The following TMPRSS6 variants were observed in gnomAD, a reference collection of about 807,000 sequenced individuals.
TMPRSS6 encodes the protein transmembrane protease serine 6.
Under a neutral mutation model 101.5 loss-of-function variants are expected in TMPRSS6, and 67 were observed. The observed-to-expected ratio is 0.66, with a 90% CI of 0.54 to 0.81. The LOEUF is 0.81. TMPRSS6 is among the 30% of genes least tolerant of loss of function. TMPRSS6 has a pLI of 0.00. For synonymous variants in TMPRSS6, 453 were observed against 464.9 expected (o/e 0.97, Z 0.33); for missense variants, 1,034 against 1,088.7 (o/e 0.95, Z 0.71).
chr22:37,095,712 C>T, intron 5 of TMPRSS6, 120 bp from the exon 6 acceptor site: 2 of 1,239,156 alleles, frequency 1.6e-6, no homozygotes, highest in South Asian at 1.3e-5. Context: ...GAGATTTACC[C>T]TAAATGCCCC....
At chr22:37,070,383 C>CGG in intron 15 of TMPRSS6, 101 bp downstream of exon 15, 1 of 1,483,794 alleles carries the variant, frequency 6.7e-7, no homozygotes, top group Non-Finnish European at 9.4e-7. Context: ...GGTCCACCAC[C>CGG]CTTCCCTCTA....
At position 37,075,223 on chromosome 22, in the gene TMPRSS6, C is replaced by T. The variant is rs546156504; in HGVS notation, c.1254G>A (p.Thr418=). 31 of 1,613,844 alleles carry T rather than the reference C, an allele frequency of 1.9e-5. No homozygotes were observed. In the East Asian group the frequency reaches 4.0e-4, roughly 21 times the overall value. Residue 418 remains threonine (T), a synonymous_variant, in exon 11 of 18, where the codon ACG becomes ACA. Coordinates refer to ENST00000676104, the MANE Select transcript of TMPRSS6 (RefSeq NM_001374504.1). The part of the protein sequence containing the change: ...PYAERIPVVA[T]AGITINFTSQ... The stretch of plus-strand genomic sequence containing the variant: ...AGGTGAAGTTGATGGTGATCCCGGC[C>T]GTGGCCACCACGGGGATCCTCTCGG...
At chr22:37,070,856 C>G (rs567542978) in intron 14 of TMPRSS6, 60 bp downstream of exon 14, 27 of 1,533,976 alleles carry the variant, frequency 1.8e-5, no homozygotes, top group Middle Eastern at 3.8e-4. Context: ...CTCCAGCTTC[C>G]TGCTGTGGGC....
chr22:37,073,668 G>C, intron 12 of TMPRSS6, 23 bp from the exon 13 acceptor site: 1 of 1,571,660 alleles, frequency 6.4e-7, no homozygotes, highest in Non-Finnish European at 8.8e-7. Context: ...ACAGAGAGGG[G>C]ACAGGTGGGA....
At chr22:37,086,484 C>T (rs1169595558) in intron 7 of TMPRSS6, 65 bp from the exon 8 acceptor site, 1 of 1,522,632 alleles carries the variant, frequency 6.6e-7, no homozygotes, top group Non-Finnish European at 8.9e-7. Context: ...GGGAGGGCGG[C>T]AGGCGGCTGC....
In TMPRSS6 at chr22:37,095,586, C is replaced by T; in HGVS notation, c.596G>A (p.Ser199Asn). 1 of 1,608,556 alleles carries T rather than the reference C, an allele frequency of 6.2e-7. No homozygotes were observed. Among genetic ancestry groups the T allele is most frequent in the South Asian group, 1.1e-5 (1 of 90,402 alleles). ...DPEGLVILEASVKDIAALNST... is the reference protein window; with the variant it reads ...DPEGLVILEANVKDIAALNST... ...ATTCAATGCAGCTATGTCTTTCACA[C>T]TGGCTTCTGATAAAAGGAAATGAAC... The change falls in exon 6 of 18, where the codon AGT (serine) becomes AAT (asparagine). Residue 199 changes from serine (S) to asparagine (N), a missense_variant. Transcript: ENST00000676104.
intron 6 of TMPRSS6, among the ~76,000 whole-genome samples, chr22:37,092,766 G>C (rs1275988808): frequency 2.6e-5 from 4 of 152,340 alleles, no homozygotes; most frequent in Non-Finnish European, 5.9e-5. Context: ...AAAGTGCTGG[G>C]ATTACAGGCT....
At chr22:37,081,862 G>A (rs114483660) in intron 10 of TMPRSS6, among the ~76,000 whole-genome samples, 2,189 of 152,332 alleles carry the variant, frequency 0.014, 70 homozygotes, top group African/African-American at 0.05. Flanking sequence ...CTATAGCTCA[G>A]TGGTGCTCAG....
chr22:37,069,826 C>A lies in TMPRSS6; in HGVS notation c.1842-482G>T, dbSNP rs1488662909. Reference sequence around the variant, plus strand: ...GGAATTGGACTGCGGCAGTCAGCTGCCTGGGTGGCAGATGGGCAGCCTTCG... The same window carrying A: ...GGAATTGGACTGCGGCAGTCAGCTGACTGGGTGGCAGATGGGCAGCCTTCG... On this transcript the variant is annotated intron_variant, in intron 15 of 17. Transcript: ENST00000676104. The surrounding 1 kb of genome is among the most constrained non-coding windows in gnomAD (Gnocchi z 4.8). 1.3e-5 allele frequency among the ~76,000 whole-genome samples: 2 copies of A among 152,192 alleles called. No individual in the cohort carries two copies. The highest frequency in any genetic ancestry group is 1.5e-5 in the Non-Finnish European group (1 of 68,040).
chr22:37,081,537 C>A (rs1601540278), intron 10 of TMPRSS6, among the ~76,000 whole-genome samples: 1 of 152,196 alleles, frequency 6.6e-6, no homozygotes, highest in Admixed American at 6.5e-5. Context: ...CTGGCCTGAA[C>A]CCCTCGTTTC....
At chr22:37,095,760 G>T in intron 5 of TMPRSS6, 146 bp downstream of exon 5, 2 of 1,225,906 alleles carry the variant, frequency 1.6e-6, no homozygotes, top group Non-Finnish European at 2.3e-6. Context: ...GAATGCAATG[G>T]CACTGCTACC....
In TMPRSS6 at chr22:37,096,690, C is replaced by A. The variant is rs142400865; in HGVS notation, c.362G>T (p.Arg121Leu). 1 of 1,566,666 alleles carries A rather than the reference C, an allele frequency of 6.4e-7. No individual in the cohort carries two copies. The change falls in exon 4 of 18, where the codon CGC (arginine) becomes CTC (leucine). Residue 121 changes from arginine (R) to leucine (L), a missense_variant. Physicochemically the swap from Arg to Leu is moderately radical, Grantham distance 102. Coordinates refer to ENST00000676104, the MANE Select transcript of TMPRSS6 (RefSeq NM_001374504.1). ...KMLKELITST[R>L]LGTYYNSSSV... ...GCTGGAGTTGTAGTAAGTTCCCAGG[C>A]GGGTGCTGGTGATGAGCTCCTTGAG... is the stretch of plus-strand genomic sequence containing the variant.
intron 6 of TMPRSS6, among the ~76,000 whole-genome samples, chr22:37,094,570 C>A (rs368741201): frequency 1.2e-5 from 1 of 84,148 alleles, no homozygotes; most frequent in Non-Finnish European, 2.4e-5. Context: ...GATAGATAGA[C>A]AAATAGATCA....
At chr22:37,072,279 G>A (rs921782898) in intron 13 of TMPRSS6, among the ~76,000 whole-genome samples, 3 of 140,916 alleles carry the variant, frequency 2.1e-5, no homozygotes, top group African/African-American at 5.9e-5. Flanking sequence ...ATGGTTGCAT[G>A]GATGGATGGA....
intron 2 of TMPRSS6, among the ~76,000 whole-genome samples, chr22:37,099,670 T>G (rs1169498310): frequency 6.6e-6 from 1 of 152,094 alleles, no homozygotes; most frequent in South Asian, 2.1e-4. Flanking sequence ...CCACACATCG[T>G]GTATAACAGG....
chr22:37,091,127 C>T (rs1929223246), intron 6 of TMPRSS6, among the ~76,000 whole-genome samples: 1 of 152,128 alleles, frequency 6.6e-6, no homozygotes, highest in African/African-American at 2.4e-5. Context: ...AGTGACTGTG[C>T]ACCGACTGTG....
intron 7 of TMPRSS6, among the ~76,000 whole-genome samples, chr22:37,086,991 A>C (rs1264614387): frequency 6.6e-6 from 1 of 152,204 alleles, no homozygotes; most frequent in Non-Finnish European, 1.5e-5. Context: ...CAGCCCTGAA[A>C]AGACTGGTGA....
chr22:37,099,027 G>A (rs965758930), intron 2 of TMPRSS6, among the ~76,000 whole-genome samples: 2 of 152,232 alleles, frequency 1.3e-5, no homozygotes, highest in Non-Finnish European at 1.5e-5. Context: ...GCTGACAGTG[G>A]TGGGTAAGAA....
intron 1 of TMPRSS6, among the ~76,000 whole-genome samples, chr22:37,106,421 C>T (rs1298544907): frequency 6.6e-6 from 1 of 152,066 alleles, no homozygotes; most frequent in Non-Finnish European, 1.5e-5. Flanking sequence ...GCGTCCTTCT[C>T]TATGCAGATT....
Sources: allele counts gnomAD v4.1 joint callset (sites outside exome capture counted in the v4.1 genomes callset), GRCh38; gene constraint gnomAD v4.1.1; non-coding constraint Gnocchi (gnomAD v3.1); transcripts MANE v1.5; gene names NCBI Gene and HGNC (gene_info 2026-07-23, HGNC 2026-07-21).